FUT8: variants seen among roughly 807,000 people sequenced by gnomAD.
FUT8 encodes alpha-(1,6)-fucosyltransferase.
FUT8 carries 29 observed loss-of-function variants against 71.3 expected under a neutral mutation model. That is an observed-to-expected ratio of 0.41 (90% confidence interval 0.30 to 0.55). The LOEUF (loss-of-function observed/expected upper bound fraction) is 0.55. Among genes scored for constraint, FUT8 ranks in the 20% least tolerant of loss-of-function variants. The pLI, the probability that FUT8 is intolerant of heterozygous loss-of-function variation, is 0.34. For synonymous variants in FUT8, 254 were observed against 239.3 expected, an observed-to-expected ratio of 1.06 and a Z score of -0.57; for missense variants, 544 against 702.1, an observed-to-expected ratio of 0.77 and a Z score of 2.55.
In FUT8 at chr14:65,513,996, G is replaced by A. The variant is rs866663341; in HGVS notation, c.-227-47341G>A. On this transcript the variant is annotated intron_variant, in intron 2 of 10. Transcript: ENST00000673929. Reference sequence around the variant, plus strand: ...GGCACAATTTTAGCATTAAAATGAGGTGGAATTCAGCTCTTTATGTCAACA... The same window carrying A: ...GGCACAATTTTAGCATTAAAATGAGATGGAATTCAGCTCTTTATGTCAACA... Among the ~76,000 whole-genome samples the A allele has an allele frequency of 2.6e-5, 4 of 152,294 alleles. No individual in the cohort carries two copies. In the Middle Eastern group the frequency reaches 0.014, roughly 518 times the overall value.
intron 1 of FUT8, among the ~76,000 whole-genome samples, chr14:65,448,626 A>AT (rs2065777932): frequency 6.6e-6 from 1 of 152,210 alleles, no homozygotes; most frequent in African/African-American, 2.4e-5. Flanking sequence ...ATAAAGGTGA[A>AT]TAACCACAGG....
chr14:65,568,133 T>C (rs566340763), intron 3 of FUT8, among the ~76,000 whole-genome samples: 1 of 151,776 alleles, frequency 6.6e-6, no homozygotes, highest in Non-Finnish European at 1.5e-5. Flanking sequence ...TTTTTTCTCA[T>C]GTCAATTTTG....
At chr14:65,423,471 T>C (rs2065333123) in intron 1 of FUT8, among the ~76,000 whole-genome samples, 1 of 151,480 alleles carries the variant, frequency 6.6e-6, no homozygotes, top group African/African-American at 2.4e-5. Context: ...ACAGTGTTAG[T>C]CAGGATGGTC....
intron 7 of FUT8, among the ~76,000 whole-genome samples, chr14:65,695,249 A>T (rs1357839300): frequency 6.6e-6 from 1 of 152,148 alleles, no homozygotes; most frequent in African/African-American, 2.4e-5. Context: ...TTACTGATAG[A>T]CAGGTATTGA....
Position 65,561,601 on chromosome 14 carries a change from T to C in FUT8, c.38T>C (p.Leu13Pro). The change falls in exon 3 of 11, where the codon CTC (leucine) becomes CCC (proline). Residue 13 changes from leucine (L) to proline (P), a missense_variant. Coordinates refer to ENST00000673929, the MANE Select transcript of FUT8 (RefSeq NM_001371533.1). Reference protein sequence around the residue: ...PWTGSWRWIMLILFAWGTLLF... With the variant: ...PWTGSWRWIMPILFAWGTLLF... Reference sequence around the variant, plus strand: ...ACTGGTTCCTGGCGTTGGATTATGCTCATTCTTTTTGCCTGGGGGACCTTG... The same window carrying C: ...ACTGGTTCCTGGCGTTGGATTATGCCCATTCTTTTTGCCTGGGGGACCTTG... 3 of 1,613,552 alleles carry C rather than the reference T, an allele frequency of 1.9e-6. No homozygotes were observed. The highest frequency in any genetic ancestry group is 2.5e-6 in the Non-Finnish European group (3 of 1,179,562).
At chr14:65,491,070 A>G (rs188227254) in intron 2 of FUT8, among the ~76,000 whole-genome samples, 21 of 152,258 alleles carry the variant, frequency 1.4e-4, no homozygotes, top group Admixed American at 7.2e-4. Context: ...GCATTGGACC[A>G]TATTAAAACT....
At chr14:65,383,256 TTTTCTTTTC>T in the FUT8 span, among the ~76,000 whole-genome samples, 1 of 141,204 alleles carries the variant, frequency 7.1e-6, no homozygotes, top group Admixed American at 7.6e-5. Flanking sequence ...TCTTTTTTCT[TTTTCTTTTC>T]TTTTTTTTTT....
chr14:65,576,696 C>CTTTTTGTTTTTTTTTTTTTTTT (rs1886794553), intron 3 of FUT8, among the ~76,000 whole-genome samples: 1 of 96,220 alleles, frequency 1.0e-5, no homozygotes, highest in Non-Finnish European at 1.8e-5. Flanking sequence ...GCCCAGCTTG[C>CTTTTTGTTTTTTTTTTTTTTTT]TTTTTTTTTT....
At chr14:65,386,871 T>C in the FUT8 span, among the ~76,000 whole-genome samples, 1 of 133,396 alleles carries the variant, frequency 7.5e-6, no homozygotes, top group Middle Eastern at 4.1e-3. Context: ...AGACAGAGTC[T>C]CACTCTGTTG....
chr14:65,364,573 A>G, the FUT8 span, among the ~76,000 whole-genome samples: 1 of 152,166 alleles, frequency 6.6e-6, no homozygotes, highest in South Asian at 2.1e-4. Context: ...TTTTGCATCA[A>G]TGGAGCAGAC....
intron 5 of FUT8, among the ~76,000 whole-genome samples, chr14:65,618,037 A>G (rs891022610): frequency 3.7e-5 from 4 of 108,976 alleles, no homozygotes; most frequent in African/African-American, 9.9e-5. Flanking sequence ...ATATATATAT[A>G]TATATATATA....
chr14:65,410,874 T>A (rs1183301999), upstream of FUT8: 1 of 152,092 alleles, frequency 6.6e-6, no homozygotes, highest in Non-Finnish European at 1.5e-5. Flanking sequence ...CTGGAACTCT[T>A]GGGCTTAAGT....
chr14:65,732,357 T>C (rs28415772), intron 9 of FUT8, among the ~76,000 whole-genome samples: 1,592 of 152,334 alleles, frequency 0.01, 29 homozygotes, highest in African/African-American at 0.037. Flanking sequence ...CTCAGCATTG[T>C]GTGGAGTGCT....
chr14:65,380,108 G>A, the FUT8 span, among the ~76,000 whole-genome samples: 7,347 of 152,286 alleles, frequency 0.048, 224 homozygotes, highest in Middle Eastern at 0.11. Context: ...ACATACACGA[G>A]ACTGGGAAGA....
intron 1 of FUT8, among the ~76,000 whole-genome samples, chr14:65,434,207 G>C (rs1411028839): frequency 6.6e-6 from 1 of 152,202 alleles, no homozygotes; most frequent in African/African-American, 2.4e-5. Flanking sequence ...AGGAAGAATA[G>C]AGATGGAGAA....
intron 7 of FUT8, among the ~76,000 whole-genome samples, chr14:65,715,997 A>G (rs1479496858): frequency 6.6e-6 from 1 of 151,458 alleles, no homozygotes; most frequent in Non-Finnish European, 1.5e-5. Flanking sequence ...AAACAACTTG[A>G]TAGTATTTCA....
intron 2 of FUT8, among the ~76,000 whole-genome samples, chr14:65,492,856 T>TAA (rs1385608150): frequency 3.9e-5 from 6 of 152,140 alleles, no homozygotes; most frequent in Non-Finnish European, 7.4e-5. Context: ...TCCATGAGGC[T>TAA]TGTTTACCAC....
intron 2 of FUT8, among the ~76,000 whole-genome samples, chr14:65,501,240 T>G (rs1481333101): frequency 6.6e-6 from 1 of 152,148 alleles, no homozygotes. Context: ...ACAAAAAATT[T>G]CAGCCCAGAA....
intron 3 of FUT8, among the ~76,000 whole-genome samples, chr14:65,576,720 TTTTTTTTTTTTTTTTTTG>T (rs1886803821): frequency 2.9e-5 from 1 of 34,324 alleles, no homozygotes; most frequent in African/African-American, 5.3e-5. Context: ...TTTTTTTTTT[TTTTTTTTTTTTTTTTTTG>T]AGACAGAGTC....
Sources: gnomAD v4.1 joint callset for allele counts (sites outside exome capture counted in the v4.1 genomes callset) on GRCh38, gnomAD v4.1.1 for gene constraint, MANE v1.5 for transcripts, NCBI Gene and HGNC (gene_info 2026-07-23, HGNC 2026-07-21) for gene names.